Variants in SLC39A11 observed in about 807,000 individuals in gnomAD.
SLC39A11 encodes solute carrier family 39 member 11.
SLC39A11 carries 33 observed loss-of-function variants against 36.1 expected under a neutral mutation model. That is an observed-to-expected ratio of 0.91 (90% CI 0.69 to 1.22). The LOEUF (loss-of-function observed/expected upper bound fraction) is 1.22. SLC39A11 is among the 50% of genes most tolerant of loss of function. The pLI is 0.00. For synonymous variants in SLC39A11, 166 were observed against 170.3 expected, an observed-to-expected ratio of 0.97 and a Z score of 0.20; for missense variants, 432 against 430.3, an observed-to-expected ratio of 1.00 and a Z score of -0.03.
At chr17:72,901,161 G>A (rs1370609222) in intron 5 of SLC39A11, among the ~76,000 whole-genome samples, 1 of 152,242 alleles carries the variant, frequency 6.6e-6, no homozygotes, top group Non-Finnish European at 1.5e-5. Context: ...AATGCCAAAA[G>A]GCAATGAGGT....
intron 4 of SLC39A11, among the ~76,000 whole-genome samples, chr17:72,993,471 T>C (rs2089310737): frequency 6.6e-6 from 1 of 152,350 alleles, no homozygotes; most frequent in African/African-American, 2.4e-5. Context: ...TGAGAACCAC[T>C]GTCCTAAATA....
intron 4 of SLC39A11, among the ~76,000 whole-genome samples, chr17:73,000,392 T>C (rs2089754787): frequency 6.6e-6 from 1 of 151,964 alleles, no homozygotes; most frequent in Non-Finnish European, 1.5e-5. Flanking sequence ...CTCTCTCTGA[T>C]GCTGGCTGAC....
rs1567912095 is a variant in SLC39A11 at position 72,900,144 on chromosome 17, GAAAGAAAGA to G, written c.430+47599_430+47607del. On this transcript the variant is annotated intron_variant, in intron 5 of 9. Coordinates refer to ENST00000255559, the MANE Select transcript of SLC39A11 (RefSeq NM_139177.4). ...AAGAAAAGAAAGAAAGAAAGAAAAA[GAAAGAAAGA>G]AAAGAAAGAAAGAAAGAAAGAAAGA... 9.4e-4 allele frequency among the ~76,000 whole-genome samples: 18 copies of G among 19,056 alleles called. 2 individuals are homozygous for G. The highest frequency in any genetic ancestry group is 1.5e-3 in the Non-Finnish European group (18 of 12,392). 12.5% of individuals were successfully genotyped at this position (19,056 alleles called of 152,430 possible). A position where few individuals can be genotyped will look rare whatever the true frequency, so the allele number is the denominator to read the frequency against.
chr17:72,901,852 G>C (rs1198305726), intron 5 of SLC39A11, among the ~76,000 whole-genome samples: 1 of 152,158 alleles, frequency 6.6e-6, no homozygotes, highest in African/African-American at 2.4e-5. Flanking sequence ...TGCATGCATG[G>C]GGCCCTGAGA....
intron 4 of SLC39A11, among the ~76,000 whole-genome samples, chr17:72,968,732 C>G (rs1279299273): frequency 1.3e-5 from 2 of 152,200 alleles, no homozygotes. Context: ...AAGAAAAATG[C>G]AGCCACCACA....
At chr17:73,007,671 T>TAAGGAGGGAGGG (rs2090259468) in intron 4 of SLC39A11, among the ~76,000 whole-genome samples, 3 of 150,848 alleles carry the variant, frequency 2.0e-5, no homozygotes, top group African/African-American at 2.4e-5. Context: ...GAGCCCAAGC[T>TAAGGAGGGAGGG]AAGGAGGGAG....
chr17:72,716,085 G>A (rs1172494981), intron 7 of SLC39A11, among the ~76,000 whole-genome samples: 4 of 151,842 alleles, frequency 2.6e-5, no homozygotes, highest in South Asian at 2.1e-4. Context: ...CGTTCTCCTC[G>A]CACCCTCCCT....
In SLC39A11 at chr17:72,896,053, G is replaced by C. The variant is rs141108582; in HGVS notation, c.431-46249C>G. Among the ~76,000 whole-genome samples, 673 of 151,774 alleles carry C rather than the reference G, an allele frequency of 4.4e-3. 4 individuals carry two copies. The highest frequency in any genetic ancestry group is 0.024 in the Middle Eastern group (7 of 294). On this transcript the variant is annotated intron_variant, in intron 5 of 9. Coordinates refer to ENST00000255559, the MANE Select transcript of SLC39A11 (RefSeq NM_139177.4). The stretch of plus-strand genomic sequence containing the variant: ...ACTCAATAGTCTTCAGGGAATTTAA[G>C]TTATTTTATATTACTATGAAAACGG...
chr17:72,773,148 A>G (rs1053748401), intron 6 of SLC39A11, among the ~76,000 whole-genome samples: 1 of 152,192 alleles, frequency 6.6e-6, no homozygotes, highest in East Asian at 1.9e-4. Context: ...GATCTGGAAG[A>G]GTTGGTTAGA....
intron 5 of SLC39A11, among the ~76,000 whole-genome samples, chr17:72,879,791 C>G (rs1441967256): frequency 6.6e-6 from 1 of 152,184 alleles, no homozygotes; most frequent in East Asian, 1.9e-4. Flanking sequence ...CCTTTTTACC[C>G]AAGAATTGCT....
chr17:72,800,413 C>T (rs947327538), intron 6 of SLC39A11, among the ~76,000 whole-genome samples: 4 of 149,302 alleles, frequency 2.7e-5, no homozygotes, highest in Non-Finnish European at 3.0e-5. Context: ...CAGGTTCAAG[C>T]GATTCTCCTG....
intron 7 of SLC39A11, among the ~76,000 whole-genome samples, chr17:72,716,569 G>T (rs201151065): frequency 6.7e-6 from 1 of 148,152 alleles, no homozygotes; most frequent in Admixed American, 6.7e-5. Flanking sequence ...AGAGTATAAG[G>T]AAAAAAAAAA....
intron 7 of SLC39A11, among the ~76,000 whole-genome samples, chr17:72,726,642 G>A (rs2073945769): frequency 6.6e-6 from 1 of 152,154 alleles, no homozygotes. Flanking sequence ...GTTGATGAAT[G>A]ACCAGGAAAA....
intron 5 of SLC39A11, among the ~76,000 whole-genome samples, chr17:72,855,229 GC>G (rs1479696563): frequency 6.6e-6 from 1 of 152,168 alleles, no homozygotes; most frequent in Admixed American, 6.5e-5. Context: ...CTAGATAAAT[GC>G]CAAGTTAACC....
At chr17:72,917,061 A>G (rs1033956879) in intron 5 of SLC39A11, among the ~76,000 whole-genome samples, 4 of 152,252 alleles carry the variant, frequency 2.6e-5, no homozygotes, top group African/African-American at 9.6e-5. Flanking sequence ...CAGTGACCAG[A>G]TAGGAAGTGG....
intron 4 of SLC39A11, among the ~76,000 whole-genome samples, chr17:72,997,276 T>C (rs2089575624): frequency 6.6e-6 from 1 of 152,150 alleles, no homozygotes; most frequent in Non-Finnish European, 1.5e-5. Context: ...TTTTTTGAGA[T>C]GGAGTCTCGC....
intron 5 of SLC39A11, among the ~76,000 whole-genome samples, chr17:72,887,846 T>C (rs1210550973): frequency 1.3e-5 from 2 of 152,214 alleles, no homozygotes; most frequent in Non-Finnish European, 2.9e-5. Flanking sequence ...CTGCTTCTAT[T>C]TGTTCTCTCA....
At chr17:73,054,318 C>T (rs1183086503) in intron 3 of SLC39A11, among the ~76,000 whole-genome samples, 1 of 150,926 alleles carries the variant, frequency 6.6e-6, no homozygotes, top group African/African-American at 2.4e-5. Flanking sequence ...GCCAAGATCG[C>T]CACTGCACTC....
intron 4 of SLC39A11, among the ~76,000 whole-genome samples, chr17:72,953,906 A>C (rs1239077172): frequency 6.6e-6 from 1 of 152,210 alleles, no homozygotes; most frequent in Non-Finnish European, 1.5e-5. Flanking sequence ...ACCTCCGCCA[A>C]ACCCGCACAC....
Sources: allele counts gnomAD v4.1 joint callset (sites outside exome capture counted in the v4.1 genomes callset), GRCh38; gene constraint gnomAD v4.1.1; transcripts MANE v1.5; gene names NCBI Gene and HGNC (gene_info 2026-07-23, HGNC 2026-07-21).